Variants in TENM3 observed in about 807,000 individuals in gnomAD.
The protein encoded by TENM3 is teneurin transmembrane protein 3, also known as teneurin-3.
A neutral mutation model predicts 255.1 loss-of-function variants in TENM3; 63 were observed. The observed-to-expected ratio is 0.25, with a 90% CI of 0.20 to 0.30. TENM3 has a LOEUF of 0.30. Ranked by LOEUF, TENM3 falls within the 10% of genes least tolerant of loss-of-function variation. The pLI is 1.00. For synonymous variants in TENM3, 1,306 were observed against 1,322.3 expected, an observed-to-expected ratio of 0.99 and a Z score of 0.27; for missense variants, 2,929 against 3,461.1, an observed-to-expected ratio of 0.85 and a Z score of 3.86.
intron 3 of TENM3, among the ~76,000 whole-genome samples, chr4:182,584,012 T>G (rs1476128569): frequency 6.6e-6 from 1 of 152,198 alleles, no homozygotes; most frequent in African/African-American, 2.4e-5. Flanking sequence ...TTTTTATTGA[T>G]AAATAGTAAT....
chr4:181,489,403 G>T, the TENM3 span, among the ~76,000 whole-genome samples: 1 of 151,916 alleles, frequency 6.6e-6, no homozygotes, highest in African/African-American at 2.4e-5. Flanking sequence ...TGTGTGCATG[G>T]GTGTGCAATA....
At chr4:182,278,412 G>A (rs987983144) in intron 1 of TENM3, among the ~76,000 whole-genome samples, 8 of 152,076 alleles carry the variant, frequency 5.3e-5, no homozygotes, top group African/African-American at 1.7e-4. Flanking sequence ...TGTACTAGCT[G>A]GGTGAGCTGG....
chr4:181,528,409 G>T, the TENM3 span, among the ~76,000 whole-genome samples: 2 of 152,254 alleles, frequency 1.3e-5, no homozygotes, highest in Non-Finnish European at 2.9e-5. Context: ...TATAGTCTTC[G>T]AGTGAACAAA....
At chr4:181,641,894 C>G in the TENM3 span, among the ~76,000 whole-genome samples, 1 of 126,648 alleles carries the variant, frequency 7.9e-6, no homozygotes, top group East Asian at 2.4e-4. Context: ...GGGTTGGTTC[C>G]AAGTCTTTGT....
At chr4:181,890,557 G>A in the TENM3 span, among the ~76,000 whole-genome samples, 1 of 151,928 alleles carries the variant, frequency 6.6e-6, no homozygotes, top group Non-Finnish European at 1.5e-5. Flanking sequence ...TATTCATTGT[G>A]GGCTTTTAAA....
the TENM3 span, among the ~76,000 whole-genome samples, chr4:181,548,773 G>A: frequency 2.0e-5 from 3 of 152,102 alleles, no homozygotes; most frequent in South Asian, 2.1e-4. Context: ...AAGTAGAGAC[G>A]CCATTGGAGC....
chr4:181,573,997 T>C, the TENM3 span, among the ~76,000 whole-genome samples: 1 of 152,228 alleles, frequency 6.6e-6, no homozygotes, highest in East Asian at 1.9e-4. Flanking sequence ...CTGAGAAACT[T>C]AGAGATGTAT....
the TENM3 span, among the ~76,000 whole-genome samples, chr4:181,465,184 A>G: frequency 1.1e-5 from 1 of 95,098 alleles, no homozygotes; most frequent in South Asian, 3.0e-4. Flanking sequence ...TTTTGAAAGA[A>G]AAAAAATTGT....
rs78563705 is a variant in TENM3, at chr4:182,441,919, G to A, written c.511+94990G>A. ...AAATCGTCCCTATGCTCGTATGTTC[G>A]TGGTCTGGAAGGAGCTACAGACAAG... is the stretch of plus-strand genomic sequence containing the variant. On this transcript the variant is annotated intron_variant, in intron 3 of 27. Coordinates refer to ENST00000511685, the MANE Select transcript of TENM3 (RefSeq NM_001080477.4). 4.2e-3 allele frequency among the ~76,000 whole-genome samples: 642 copies of A among 152,292 alleles called. 6 individuals carry two copies. Among genetic ancestry groups the A allele is most frequent in the African/African-American group, 0.015 (614 of 41,548 alleles).
At chr4:182,764,509 A>G (rs1371523454) in intron 22 of TENM3, among the ~76,000 whole-genome samples, 1 of 152,212 alleles carries the variant, frequency 6.6e-6, no homozygotes, top group Non-Finnish European at 1.5e-5. Context: ...GGACAGGATG[A>G]GGCAAGAAAA....
At chr4:182,501,464 T>C (rs1560836756) in intron 3 of TENM3, among the ~76,000 whole-genome samples, 1 of 152,028 alleles carries the variant, frequency 6.6e-6, no homozygotes, top group Non-Finnish European at 1.5e-5. Flanking sequence ...TATCCTGAGT[T>C]GAGTCATATT....
Position 182,600,919 on chromosome 4 carries a change from T to A in TENM3, c.512-5T>A. The A allele has an allele frequency of 7.5e-7, 1 of 1,339,458 alleles. No homozygotes were observed. The highest frequency in any genetic ancestry group is 1.0e-6 in the Non-Finnish European group (1 of 984,958). The allele number at this position is 1,339,458 out of a possible 1,614,324, so 83.0% of individuals were successfully genotyped here. A position where few individuals can be genotyped will look rare whatever the true frequency, so the allele number is the denominator to read the frequency against. On this transcript the variant is annotated splice_region_variant and splice_polypyrimidine_tract_variant and intron_variant, in intron 3 of 27. Coordinates refer to ENST00000511685, the MANE Select transcript of TENM3 (RefSeq NM_001080477.4). ...TTTCTTTTTTTTTTTTTTTTTTTTT[T>A]TCAGAGCAACCTGCAAGCAATCAAG... is the stretch of plus-strand genomic sequence containing the variant.
chr4:182,704,643 A>C (rs981526912), intron 12 of TENM3, among the ~76,000 whole-genome samples: 8 of 152,156 alleles, frequency 5.3e-5, no homozygotes, highest in South Asian at 2.1e-4. Flanking sequence ...GGGTAGGTGC[A>C]TGTAAGAGGC....
At chr4:182,344,580 T>A (rs926772996) in intron 2 of TENM3, among the ~76,000 whole-genome samples, 28 of 152,142 alleles carry the variant, frequency 1.8e-4, no homozygotes, top group Non-Finnish European at 2.9e-5. Flanking sequence ...GAAAAGCCAA[T>A]CACTTGGAAA....
chr4:182,629,342 G>A (rs1348139532), intron 5 of TENM3, among the ~76,000 whole-genome samples: 1 of 152,034 alleles, frequency 6.6e-6, no homozygotes, highest in East Asian at 1.9e-4. Context: ...CCATCATCTT[G>A]CACTCAGGAA....
intron 3 of TENM3, among the ~76,000 whole-genome samples, chr4:182,567,044 G>T (rs991873625): frequency 6.6e-6 from 1 of 152,020 alleles, no homozygotes; most frequent in Non-Finnish European, 1.5e-5. Flanking sequence ...TGTGAAATGG[G>T]AAATGGAAAA....
At chr4:181,530,892 G>A in the TENM3 span, among the ~76,000 whole-genome samples, 3 of 152,032 alleles carry the variant, frequency 2.0e-5, no homozygotes, top group South Asian at 6.2e-4. Flanking sequence ...CTCCTCATAA[G>A]GCCTTTGGAA....
rs1165960563 is a variant in TENM3, at chr4:182,773,403, A to G, written c.4893-69A>G. On this transcript the variant is annotated intron_variant, in intron 22 of 27. Transcript: ENST00000511685. The stretch of plus-strand genomic sequence containing the variant: ...ATTTGTGCAACTAATATTGCTACAC[A>G]TTATATTTATAAGTCAGAAGAAACT... 5.0e-6 allele frequency: 7 copies of G among 1,394,272 alleles called. 1 individual carries two copies. In the Admixed American group the frequency reaches 1.1e-4, roughly 22 times the overall value. 86.4% of individuals were successfully genotyped at this position (1,394,272 alleles called of 1,614,324 possible).
chr4:182,698,520 A>C (rs1757603015), intron 12 of TENM3, among the ~76,000 whole-genome samples: 1 of 152,150 alleles, frequency 6.6e-6, no homozygotes, highest in Non-Finnish European at 1.5e-5. Flanking sequence ...TCTGCACCTG[A>C]CTTGCTGTGT....
Sources: gnomAD v4.1 joint callset for allele counts (sites outside exome capture counted in the v4.1 genomes callset) on GRCh38, gnomAD v4.1.1 for gene constraint, MANE v1.5 for transcripts, NCBI Gene and HGNC (gene_info 2026-07-23, HGNC 2026-07-21) for gene names.